Variants in HPSE2 observed in about 807,000 individuals in gnomAD.
HPSE2 encodes heparanase 2 (inactive).
Under a neutral mutation model 60.5 loss-of-function variants are expected in HPSE2, and 38 were observed. That is an observed-to-expected ratio of 0.63 (90% CI 0.48 to 0.82). The LOEUF is 0.82. Among genes scored for constraint, HPSE2 ranks in the 40% least tolerant of loss-of-function variants. The probability of loss-of-function intolerance (pLI) is 0.00; values close to 1 mark genes in which losing one functional copy is unlikely to be tolerated. For missense variants in HPSE2, 713 were observed against 740.4 expected (o/e 0.96, Z 0.43); for synonymous variants, 295 against 293.2 (o/e 1.01, Z -0.06).
At chr10:98,600,891 A>ATGTGTG (rs1945390220) in intron 9 of HPSE2, among the ~76,000 whole-genome samples, 1 of 46,872 alleles carries the variant, frequency 2.1e-5, no homozygotes, top group South Asian at 9.5e-4. Context: ...ATACATATAT[A>ATGTGTG]CGTATATATA....
chr10:98,893,904 GAAA>G (rs5787315), intron 3 of HPSE2, among the ~76,000 whole-genome samples: 1 of 144,320 alleles, frequency 6.9e-6, no homozygotes, highest in Non-Finnish European at 1.5e-5. Flanking sequence ...TGGTAAACTA[GAAA>G]AAAAAAAAAT....
intron 3 of HPSE2, among the ~76,000 whole-genome samples, chr10:99,041,510 C>A (rs937487078): frequency 6.6e-6 from 1 of 152,102 alleles, no homozygotes; most frequent in Non-Finnish European, 1.5e-5. Flanking sequence ...ACACAGAGAG[C>A]TGCCTGGAGT....
At chr10:98,705,340 T>C (rs1236574448) in intron 5 of HPSE2, among the ~76,000 whole-genome samples, 2 of 152,190 alleles carry the variant, frequency 1.3e-5, no homozygotes, top group Non-Finnish European at 2.9e-5. Flanking sequence ...TTGTGGAAGA[T>C]GGCGTGGCAA....
chr10:98,461,775 C>T, intron 11 of HPSE2: 7 of 1,588,284 alleles, frequency 4.4e-6, no homozygotes, highest in Non-Finnish European at 6.0e-6. Flanking sequence ...TTAGGTAATG[C>T]CCTTTTAGAT....
chr10:98,640,718 T>C (rs1285115979), intron 7 of HPSE2, among the ~76,000 whole-genome samples: 1 of 152,178 alleles, frequency 6.6e-6, no homozygotes, highest in Non-Finnish European at 1.5e-5. Flanking sequence ...GGGTCCCCAT[T>C]CCCTGGAAAA....
At chr10:98,774,941 T>G (rs926943156) in intron 3 of HPSE2, among the ~76,000 whole-genome samples, 2 of 152,140 alleles carry the variant, frequency 1.3e-5, no homozygotes, top group Admixed American at 1.3e-4. Flanking sequence ...GGCAATAGAA[T>G]CCACAAGTGT....
At chr10:99,102,576 T>C (rs186757974) in intron 3 of HPSE2, among the ~76,000 whole-genome samples, 113 of 152,238 alleles carry the variant, frequency 7.4e-4, no homozygotes, top group Admixed American at 1.9e-3. Context: ...GGTACCATTC[T>C]TTCTGAAACT....
intron 3 of HPSE2, among the ~76,000 whole-genome samples, chr10:99,042,379 T>C (rs1298011708): frequency 6.6e-6 from 1 of 151,586 alleles, no homozygotes; most frequent in Non-Finnish European, 1.5e-5. Context: ...TCTGCATTTC[T>C]CTGGGGTGGA....
chr10:98,609,387 C>T (rs1019036089), intron 9 of HPSE2, among the ~76,000 whole-genome samples: 1 of 152,064 alleles, frequency 6.6e-6, no homozygotes, highest in Non-Finnish European at 1.5e-5. Flanking sequence ...TGAACATTTG[C>T]ATAGTTATTT....
chr10:98,606,908 C>T (rs61883383), intron 9 of HPSE2, among the ~76,000 whole-genome samples: 21,409 of 152,170 alleles, frequency 0.14, 1,905 homozygotes, highest in Admixed American at 0.21. Flanking sequence ...CACAACCAGA[C>T]ATCGTTGTGC....
At chr10:99,199,758 A>G (rs2807300) in intron 2 of HPSE2, among the ~76,000 whole-genome samples, 150,372 of 152,288 alleles carry the variant, frequency 0.99, 74,237 homozygotes, top group East Asian at 1. Flanking sequence ...GGCATTTCAA[A>G]GTCTTTTGTG....
intron 6 of HPSE2, among the ~76,000 whole-genome samples, chr10:98,672,401 T>G (rs1387927151): frequency 6.6e-6 from 1 of 152,210 alleles, no homozygotes; most frequent in Non-Finnish European, 1.5e-5. Flanking sequence ...CAAAACCCTC[T>G]TCCATAGCTT....
In HPSE2 at chr10:98,641,913, C is replaced by T. The variant is rs1302920371; in HGVS notation, c.1032G>A (p.Lys344=). The part of the protein sequence containing the change: ...QHCYIDGRVV[K]VMDFLKTRLL... ...GGCGAGTTTTCAGGAAGTCCATCAC[C>T]TTGACCACCCGGCCATCAATGTAGC... The change falls in exon 7 of 12, where the codon AAG becomes AAA. Residue 344 remains lysine (K), a synonymous_variant. Coordinates refer to ENST00000370552, the MANE Select transcript of HPSE2 (RefSeq NM_021828.5). 8 of 1,613,716 alleles carry T rather than the reference C, an allele frequency of 5.0e-6. No individual in the cohort carries two copies. Among genetic ancestry groups the T allele is most frequent in the African/African-American group, 4.0e-5 (3 of 74,884 alleles).
intron 9 of HPSE2, among the ~76,000 whole-genome samples, chr10:98,514,334 T>C (rs998398318): frequency 1.3e-5 from 2 of 152,138 alleles, no homozygotes; most frequent in African/African-American, 4.8e-5. Flanking sequence ...AAAAAAATTT[T>C]GGAAATAGCT....
At chr10:98,544,485 C>T (rs537756388) in intron 9 of HPSE2, among the ~76,000 whole-genome samples, 35 of 151,774 alleles carry the variant, frequency 2.3e-4, no homozygotes, top group Admixed American at 4.6e-4. Flanking sequence ...CCGAGGCAGG[C>T]GGATCACGAG....
At chr10:99,055,805 T>G (rs1421773056) in intron 3 of HPSE2, among the ~76,000 whole-genome samples, 3 of 152,094 alleles carry the variant, frequency 2.0e-5, no homozygotes, top group Non-Finnish European at 4.4e-5. Context: ...TCAAAATTTG[T>G]GGGATGCAGC....
chr10:98,867,000 C>T (rs1341375754), intron 3 of HPSE2, among the ~76,000 whole-genome samples: 1 of 151,954 alleles, frequency 6.6e-6, no homozygotes. Context: ...GTTTGAGCAA[C>T]CAGACAATAA....
At chr10:99,063,194 A>T (rs1842505024) in intron 3 of HPSE2, among the ~76,000 whole-genome samples, 1 of 152,176 alleles carries the variant, frequency 6.6e-6, no homozygotes, top group Admixed American at 6.6e-5. Flanking sequence ...ATAAAAATAA[A>T]TTTTTTGGAA....
At chr10:99,257,807 T>TG in the HPSE2 span, among the ~76,000 whole-genome samples, 1 of 152,122 alleles carries the variant, frequency 6.6e-6, no homozygotes, top group African/African-American at 2.4e-5. Context: ...TTGCGGCTTG[T>TG]GGGGCATCAC....
Sources: allele counts gnomAD v4.1 joint callset (sites outside exome capture counted in the v4.1 genomes callset), GRCh38; gene constraint gnomAD v4.1.1; transcripts MANE v1.5; gene names NCBI Gene and HGNC (gene_info 2026-07-23, HGNC 2026-07-21).